The following PTBP3 variants were observed in gnomAD, a reference collection of about 807,000 sequenced individuals.
PTBP3 encodes the protein polypyrimidine tract-binding protein 3.
PTBP3 carries 20 observed loss-of-function variants against 58.7 expected under a neutral mutation model. The observed-to-expected ratio is 0.34, with a 90% confidence interval of 0.24 to 0.50. The LOEUF is 0.50. Ranked by LOEUF, PTBP3 falls within the 20% of genes least tolerant of loss-of-function variation. The probability of loss-of-function intolerance (pLI) is 0.98; values close to 1 mark genes in which losing one functional copy is unlikely to be tolerated. For synonymous variants in PTBP3, 185 were observed against 219.8 expected (o/e 0.84, Z 1.40); for missense variants, 509 against 637.2 (o/e 0.80, Z 2.17).
At chr9:112,365,819 C>A in the PTBP3 span, among the ~76,000 whole-genome samples, 2 of 152,148 alleles carry the variant, frequency 1.3e-5, no homozygotes, top group African/African-American at 2.4e-5. Context: ...GAAATCCAGG[C>A]TGAGGTGGTC....
chr9:112,269,006 G>A (rs1216174023), intron 3 of PTBP3, among the ~76,000 whole-genome samples: 1 of 151,900 alleles, frequency 6.6e-6, no homozygotes, highest in African/African-American at 2.4e-5. Context: ...GGCCAGCCTG[G>A]CCAACACAGT....
chr9:112,221,154 TC>T lies in PTBP3; in HGVS notation c.*2696del. Reference sequence around the variant, plus strand: ...AACATGCTATTTTAAAACAAGAACATCCCACATCTCCAAATCTTAATTTGGT... The same window carrying T: ...AACATGCTATTTTAAAACAAGAACATCCACATCTCCAAATCTTAATTTGGT... On this transcript the variant is annotated 3_prime_UTR_variant, in exon 14 of 14. Transcript: ENST00000374257. The T allele has an allele frequency of 2.0e-6, 2 of 985,680 alleles. No homozygotes were observed. The highest frequency in any genetic ancestry group is 2.4e-6 in the Non-Finnish European group (2 of 829,890). 61.1% of individuals were successfully genotyped at this position (985,680 alleles called of 1,614,324 possible).
At chr9:112,310,298 C>G (rs1346705847) in intron 1 of PTBP3, among the ~76,000 whole-genome samples, 2 of 152,202 alleles carry the variant, frequency 1.3e-5, no homozygotes, top group African/African-American at 2.4e-5. Flanking sequence ...ATATGGACAT[C>G]TTAACAACAA....
At chr9:112,342,829 T>G in the PTBP3 span, among the ~76,000 whole-genome samples, 1 of 132,608 alleles carries the variant, frequency 7.5e-6, no homozygotes, top group African/African-American at 2.9e-5. Flanking sequence ...ATTGAGAGGA[T>G]CAAGGACCAA....
At chr9:112,271,865 T>C (rs894347437) in intron 3 of PTBP3, among the ~76,000 whole-genome samples, 1 of 152,018 alleles carries the variant, frequency 6.6e-6, no homozygotes, top group Admixed American at 6.5e-5. Flanking sequence ...CTACCCTGAG[T>C]CAATATTGAT....
chr9:112,254,241 C>T (rs894776566), intron 5 of PTBP3, among the ~76,000 whole-genome samples: 1 of 152,246 alleles, frequency 6.6e-6, no homozygotes, highest in East Asian at 1.9e-4. Context: ...CCATCTTGGC[C>T]TTCCGAAGTG....
the PTBP3 span, among the ~76,000 whole-genome samples, chr9:112,377,351 A>G: frequency 3.3e-5 from 5 of 152,190 alleles, no homozygotes; most frequent in Admixed American, 6.5e-5. Context: ...TCTTATCTCA[A>G]AAAAACAAAA....
At chr9:112,321,528 G>GAAAAA (rs34348679) in intron 1 of PTBP3, among the ~76,000 whole-genome samples, 2 of 143,228 alleles carry the variant, frequency 1.4e-5, no homozygotes, top group Non-Finnish European at 1.5e-5. Context: ...GACGTAGTCT[G>GAAAAA]AAAAAAAAAA....
At chr9:112,324,043 A>C (rs976542213) in intron 1 of PTBP3, among the ~76,000 whole-genome samples, 1 of 152,158 alleles carries the variant, frequency 6.6e-6, no homozygotes, top group African/African-American at 2.4e-5. Flanking sequence ...CTATGGAGGT[A>C]CAGGGACAAG....
chr9:112,278,687 A>G (rs1334563208), intron 2 of PTBP3, among the ~76,000 whole-genome samples: 2 of 152,228 alleles, frequency 1.3e-5, no homozygotes, highest in African/African-American at 4.8e-5. Flanking sequence ...TCCGTATTAT[A>G]AAATACCTGG....
chr9:112,321,225 C>T (rs900263344), intron 1 of PTBP3, among the ~76,000 whole-genome samples: 5 of 152,186 alleles, frequency 3.3e-5, no homozygotes, highest in African/African-American at 1.2e-4. Context: ...GAAGTTGTCA[C>T]TTTTGCCTTT....
At chr9:112,309,170 A>C (rs1293975742) in intron 1 of PTBP3, among the ~76,000 whole-genome samples, 1 of 152,134 alleles carries the variant, frequency 6.6e-6, no homozygotes, top group African/African-American at 2.4e-5. Context: ...CTATCAAAAA[A>C]CTACTTCATA....
At chr9:112,269,016 T>G (rs892516049) in intron 3 of PTBP3, among the ~76,000 whole-genome samples, 1 of 151,696 alleles carries the variant, frequency 6.6e-6, no homozygotes, top group Admixed American at 6.6e-5. Context: ...GCCAACACAG[T>G]GAAACCCTGT....
At chr9:112,360,690 A>C in the PTBP3 span, among the ~76,000 whole-genome samples, 1 of 152,236 alleles carries the variant, frequency 6.6e-6, no homozygotes. Flanking sequence ...ACTCAAATGG[A>C]AAAATTTCAA....
the PTBP3 span, among the ~76,000 whole-genome samples, chr9:112,366,627 A>T: frequency 6.6e-6 from 1 of 152,176 alleles, no homozygotes; most frequent in Non-Finnish European, 1.5e-5. Flanking sequence ...ATTTCCAAAG[A>T]TGCGTAGAAA....
At chr9:112,379,798 G>A in the PTBP3 span, 46,371 of 413,256 alleles carry the variant, frequency 0.11, 3,358 homozygotes, top group Non-Finnish European at 0.15. Context: ...GAAACCCCTA[G>A]AGACAGGGAA....
At chr9:112,252,810 G>T in intron 5 of PTBP3, 22 bp from the exon 6 acceptor site, 2 of 1,343,308 alleles carry the variant, frequency 1.5e-6, no homozygotes, top group Non-Finnish European at 2.1e-6. Flanking sequence ...TTCACATTAG[G>T]TTAAATGTAA....
At chr9:112,225,009 A>G (rs547416399) in intron 12 of PTBP3, among the ~76,000 whole-genome samples, 1 of 152,336 alleles carries the variant, frequency 6.6e-6, no homozygotes, top group East Asian at 1.9e-4. Flanking sequence ...AGACTCAGCC[A>G]AAGCCACCCA....
intron 10 of PTBP3, among the ~76,000 whole-genome samples, 192 bp from the exon 11 acceptor site, chr9:112,228,664 C>G (rs902886291): frequency 6.6e-6 from 1 of 152,176 alleles, no homozygotes; most frequent in Non-Finnish European, 1.5e-5. Flanking sequence ...GATGTCCCAT[C>G]AACACTCTAA....
Sources: gnomAD v4.1 joint callset for allele counts (sites outside exome capture counted in the v4.1 genomes callset) on GRCh38, gnomAD v4.1.1 for gene constraint, MANE v1.5 for transcripts, NCBI Gene and HGNC (gene_info 2026-07-23, HGNC 2026-07-21) for gene names.